The following MAP4K5 variants were observed in gnomAD, a reference collection of about 807,000 sequenced individuals.
MAP4K5 encodes mitogen-activated protein kinase kinase kinase kinase 5.
MAP4K5 carries 82 observed loss-of-function variants against 135.6 expected under a neutral mutation model. The ratio of observed to expected loss-of-function variants is 0.60; its 90% CI spans 0.51 to 0.73. The LOEUF is 0.73. Ranked by LOEUF, MAP4K5 falls within the 30% of genes least tolerant of loss-of-function variation. MAP4K5 has a pLI of 0.00. For synonymous variants in MAP4K5, 347 were observed against 335.0 expected (o/e 1.04, Z -0.39); for missense variants, 907 against 1,010.9 (o/e 0.90, Z 1.39).
chr14:50,434,956 A>G lies in MAP4K5; in HGVS notation c.1986+6T>C, dbSNP rs373574207. The G allele has an allele frequency of 4.0e-5, 63 of 1,568,406 alleles. No individual in the cohort carries two copies. Among genetic ancestry groups the G allele is most frequent in the Non-Finnish European group, 1.5e-5 (17 of 1,144,248 alleles). On this transcript the variant is annotated splice_donor_region_variant and intron_variant, in intron 27 of 32. Coordinates refer to ENST00000682126, the MANE Select transcript of MAP4K5 (RefSeq NM_006575.6). ...AGGAAAAAAATGTGAACAAAATAAT[A>G]TATACCTTTATCAACATGAATTTCT...
At chr14:50,479,075 A>G (rs1231835640) in intron 6 of MAP4K5, among the ~76,000 whole-genome samples, 4 of 151,130 alleles carry the variant, frequency 2.6e-5, no homozygotes, top group Non-Finnish European at 5.9e-5. Flanking sequence ...CTGTGGGCCC[A>G]TATTAATAGT....
rs182146816 is a variant in MAP4K5, at chr14:50,432,041, C to T, written c.2164+2353G>A. Among the ~76,000 whole-genome samples the T allele has an allele frequency of 2.8e-3, 433 of 152,312 alleles. 1 individual carries two copies. The highest frequency in any genetic ancestry group is 2.8e-3 in the Admixed American group (43 of 15,300). ...CATATCTACAGAATCGATAAACTGTCCCTCAGGTAACACTTCAAAAATAGT... is the reference window on the plus strand; with the variant it reads ...CATATCTACAGAATCGATAAACTGTTCCTCAGGTAACACTTCAAAAATAGT... On this transcript the variant is annotated intron_variant, in intron 28 of 32. Coordinates refer to ENST00000682126, the MANE Select transcript of MAP4K5 (RefSeq NM_006575.6).
intron 32 of MAP4K5, among the ~76,000 whole-genome samples, chr14:50,421,526 T>C (rs936224369): frequency 2.0e-5 from 3 of 151,892 alleles, no homozygotes; most frequent in Non-Finnish European, 2.9e-5. Flanking sequence ...CCTCCTGAAG[T>C]TCTGGGATTA....
intron 5 of MAP4K5, among the ~76,000 whole-genome samples, chr14:50,484,550 C>T (rs1393633296): frequency 6.6e-6 from 1 of 151,932 alleles, no homozygotes; most frequent in Non-Finnish European, 1.5e-5. Flanking sequence ...TAAGTATGAC[C>T]CAGTATGTTA....
At chr14:50,527,703 T>C (rs2038296309) in intron 2 of MAP4K5, among the ~76,000 whole-genome samples, 1 of 152,194 alleles carries the variant, frequency 6.6e-6, no homozygotes, top group Admixed American at 6.5e-5. Flanking sequence ...CATCTGTTTC[T>C]GTCCCCTGGG....
chr14:50,534,958 A>G (rs1460904486), upstream of MAP4K5, among the ~76,000 whole-genome samples: 1 of 152,234 alleles, frequency 6.6e-6, no homozygotes, highest in Non-Finnish European at 1.5e-5. Flanking sequence ...ATGTAATAAT[A>G]TGTTAGTTAT....
At position 50,468,800 on chromosome 14, in the gene MAP4K5, A is replaced by C. The variant is rs1381659382; in HGVS notation, c.543-18T>G. The stretch of plus-strand genomic sequence containing the variant: ...GGGCCATCCTAGAAGGAATCAATGA[A>C]TACAACATTTTTGTTGTTAAATATT... On this transcript the variant is annotated intron_variant, in intron 9 of 32. Coordinates refer to ENST00000682126, the MANE Select transcript of MAP4K5 (RefSeq NM_006575.6). 2.5e-6 allele frequency: 4 copies of C among 1,594,690 alleles called. No individual in the cohort carries two copies. Among genetic ancestry groups the C allele is most frequent in the Non-Finnish European group, 3.4e-6 (4 of 1,169,242 alleles).
intron 3 of MAP4K5, among the ~76,000 whole-genome samples, chr14:50,498,032 T>A (rs2037630478): frequency 6.6e-6 from 1 of 152,176 alleles, no homozygotes; most frequent in Non-Finnish European, 1.5e-5. Context: ...AGGATTCTGA[T>A]GGTAAGTTTT....
intron 3 of MAP4K5, among the ~76,000 whole-genome samples, chr14:50,500,488 T>C (rs933679679): frequency 6.6e-6 from 1 of 152,142 alleles, no homozygotes; most frequent in African/African-American, 2.4e-5. Flanking sequence ...CAGAAACATA[T>C]GCGATGAGCT....
In MAP4K5 at chr14:50,437,085, T is replaced by C. The variant is rs774977065; in HGVS notation, c.1882+391A>G. Among the ~76,000 whole-genome samples the C allele has an allele frequency of 1.2e-4, 18 of 152,164 alleles. 1 individual carries two copies. The highest frequency in any genetic ancestry group is 2.2e-4 in the Non-Finnish European group (15 of 68,020). ...ATCCCCTAACTTGCAATTGGTATCA[T>C]AAGTGAGGGTGTTCTTGTGTGAACT... is the stretch of plus-strand genomic sequence containing the variant. On this transcript the variant is annotated intron_variant, in intron 26 of 32. Transcript: ENST00000682126.
At chr14:50,451,726 T>C (rs559248613) in intron 14 of MAP4K5, among the ~76,000 whole-genome samples, 1 of 152,252 alleles carries the variant, frequency 6.6e-6, no homozygotes, top group South Asian at 2.1e-4. Context: ...TTATAGTCTA[T>C]TTTTAGGATG....
intron 32 of MAP4K5, among the ~76,000 whole-genome samples, chr14:50,421,457 T>C (rs1467248746): frequency 6.6e-6 from 1 of 151,834 alleles, no homozygotes; most frequent in Non-Finnish European, 1.5e-5. Flanking sequence ...GGACAGGGTT[T>C]CTGCATGTTG....
intron 30 of MAP4K5, among the ~76,000 whole-genome samples, chr14:50,427,320 T>C (rs1329713101): frequency 6.6e-6 from 1 of 152,188 alleles, no homozygotes; most frequent in African/African-American, 2.4e-5. Flanking sequence ...GCATGTAATA[T>C]AAGGAGTAAA....
rs531444973 is a variant in MAP4K5, at chr14:50,419,608, T to C, written c.*411A>G. On this transcript the variant is annotated 3_prime_UTR_variant, in exon 33 of 33. Coordinates refer to ENST00000682126, the MANE Select transcript of MAP4K5 (RefSeq NM_006575.6). ...AATGGCCAATATAAAAGTGAAAACC[T>C]TGCTTGAGAATTTAACAAATTATGT... The C allele has an allele frequency of 6.9e-4, 110 of 160,060 alleles. 1 individual carries two copies. The highest frequency in any genetic ancestry group is 1.1e-3 in the Non-Finnish European group (79 of 72,184). 9.9% of individuals were successfully genotyped at this position (160,060 alleles called of 1,614,324 possible). A position where few individuals can be genotyped will look rare whatever the true frequency, so the allele number is the denominator to read the frequency against.
chr14:50,453,040 T>G (rs1818622264), intron 14 of MAP4K5, among the ~76,000 whole-genome samples: 1 of 152,204 alleles, frequency 6.6e-6, no homozygotes, highest in East Asian at 1.9e-4. Context: ...TGATGATACC[T>G]GTAGAGTCCC....
intron 2 of MAP4K5, among the ~76,000 whole-genome samples, chr14:50,514,147 A>G (rs2140059542): frequency 6.6e-6 from 1 of 152,046 alleles, no homozygotes. Flanking sequence ...GTGTGATCTC[A>G]GCTCACTGCA....
intron 1 of MAP4K5, chr14:50,560,916 G>A (rs1032052927): frequency 1.3e-5 from 2 of 153,004 alleles, no homozygotes; most frequent in African/African-American, 4.8e-5. Flanking sequence ...CTCTTAATTT[G>A]GGGGTTGGGT....
At chr14:50,462,496 CAACTGATAATTATGTGCAGGAA>C (rs1255976863) in intron 13 of MAP4K5, among the ~76,000 whole-genome samples, 147 bp downstream of exon 13, 2 of 152,126 alleles carry the variant, frequency 1.3e-5, no homozygotes, top group African/African-American at 4.8e-5. Context: ...AAAAAAGTAT[CAACTGATAATTATGTGCAGGAA>C]AAGTGTAGTT....
intron 1 of MAP4K5, among the ~76,000 whole-genome samples, chr14:50,548,326 G>A (rs2038660287): frequency 2.0e-5 from 3 of 152,082 alleles, no homozygotes; most frequent in Admixed American, 2.0e-4. Flanking sequence ...AAATGGGATT[G>A]GGCACACATA....
Sources: allele counts gnomAD v4.1 joint callset (sites outside exome capture counted in the v4.1 genomes callset), GRCh38; gene constraint gnomAD v4.1.1; transcripts MANE v1.5; gene names NCBI Gene and HGNC (gene_info 2026-07-23, HGNC 2026-07-21).